TFAP2D: variants seen among roughly 807,000 people sequenced by gnomAD.
TFAP2D encodes transcription factor AP-2 delta.
Under a neutral mutation model 43.6 loss-of-function variants are expected in TFAP2D, and 9 were observed. The ratio of observed to expected loss-of-function variants is 0.21; its 90% confidence interval spans 0.12 to 0.36. The LOEUF (loss-of-function observed/expected upper bound fraction) is 0.36. TFAP2D is among the 10% of genes least tolerant of loss of function. The probability of loss-of-function intolerance (pLI) is 1.00; values close to 1 mark genes in which losing one functional copy is unlikely to be tolerated. For synonymous variants in TFAP2D, 256 were observed against 224.9 expected (o/e 1.14, Z -1.24); for missense variants, 513 against 561.4 (o/e 0.91, Z 0.87).
At chr6:50,719,188 C>A (rs1195298659) in intron 3 of TFAP2D, 38 bp downstream of exon 3, 1 of 1,588,756 alleles carries the variant, frequency 6.3e-7, no homozygotes, top group South Asian at 1.1e-5. Flanking sequence ...CCTAGACATT[C>A]TTCTCCTATC....
chr6:50,748,945 T>C (rs1160891633), intron 6 of TFAP2D, among the ~76,000 whole-genome samples: 1 of 151,846 alleles, frequency 6.6e-6, no homozygotes, highest in African/African-American at 2.4e-5. Context: ...TTGTGTTACA[T>C]AATTCATAAT....
intron 2 of TFAP2D, among the ~76,000 whole-genome samples, chr6:50,717,235 CAAAG>C (rs1768642394): frequency 6.6e-6 from 1 of 152,168 alleles, no homozygotes; most frequent in Non-Finnish European, 1.5e-5. Flanking sequence ...AAGCACTAGA[CAAAG>C]AGCGAATCCC....
In TFAP2D at chr6:50,745,671, G is replaced by A. The variant is rs373775243; in HGVS notation, c.1025+423G>A. ...AATGTGACAGAAGATGAGGTCACACGTTGGTGAGAGGTACCAGGGAGACCT... is the reference window on the plus strand; with the variant it reads ...AATGTGACAGAAGATGAGGTCACACATTGGTGAGAGGTACCAGGGAGACCT... On this transcript the variant is annotated intron_variant, in intron 6 of 7. Transcript: ENST00000008391. Among the ~76,000 whole-genome samples, 5 of 152,146 alleles carry A rather than the reference G, an allele frequency of 3.3e-5. No individual in the cohort carries two copies. In the East Asian group the frequency reaches 5.8e-4, roughly 18 times the overall value.
At chr6:50,714,928 A>C (rs541950358) in intron 1 of TFAP2D, among the ~76,000 whole-genome samples, 188 bp from the exon 2 acceptor site, 1 of 151,890 alleles carries the variant, frequency 6.6e-6, no homozygotes, top group African/African-American at 2.4e-5. Flanking sequence ...GCCCACCCCC[A>C]GTTCGCCTGT....
chr6:50,771,942 C>T (rs1249235131), intron 7 of TFAP2D, among the ~76,000 whole-genome samples: 9 of 152,074 alleles, frequency 5.9e-5, no homozygotes, highest in Admixed American at 5.9e-4. Flanking sequence ...CACATGCACA[C>T]GTATGTTTAT....
At chr6:50,719,485 G>GAAAGAA (rs1554151946) in intron 3 of TFAP2D, among the ~76,000 whole-genome samples, 1 of 137,958 alleles carries the variant, frequency 7.2e-6, no homozygotes, top group South Asian at 2.4e-4. Flanking sequence ...AAGAAAGAAA[G>GAAAGAA]AAAGAAAGAA....
intron 3 of TFAP2D, among the ~76,000 whole-genome samples, chr6:50,722,813 A>G (rs920835093): frequency 2.2e-5 from 3 of 139,124 alleles, no homozygotes; most frequent in African/African-American, 8.0e-5. Flanking sequence ...GCAACTAAAA[A>G]GGGGGGGGCG....
rs999553831 is a variant in TFAP2D at position 50,745,142 on chromosome 6, A to G, written c.919A>G (p.Thr307Ala). Residue 307 changes from threonine (T) to alanine (A), a missense_variant, in exon 6 of 8, where the codon ACT becomes GCT. By Grantham distance (58) the Thr-to-Ala change is moderately conservative (BLOSUM62 0). This residue lies in a region of TFAP2D where 199 missense variants were observed against 227.9 expected (regional missense o/e 0.87). Transcript: ENST00000008391. ...GCACTTGGCTCGGGATTTTGGCTAC[A>G]CTTGTGAAACAGAGTTTCCAGCCAA... ...ALHLARDFGY[T>A]CETEFPAKAV... 1.2e-6 allele frequency: 2 copies of G among 1,613,546 alleles called. No individual in the cohort carries two copies. The highest frequency in any genetic ancestry group is 8.5e-7 in the Non-Finnish European group (1 of 1,179,828).
At position 50,715,555 on chromosome 6, in the gene TFAP2D, A is replaced by G. The variant is rs1366637270; in HGVS notation, c.479A>G (p.Gln160Arg). 1 of 1,610,214 alleles carries G rather than the reference A, an allele frequency of 6.2e-7. No homozygotes were observed. The highest frequency in any genetic ancestry group is 1.1e-5 in the South Asian group (1 of 91,076). ...TCTCAGTATGGAATGCACCCAGATC[A>G]AAGACTCCTGCCAGGGCCCAGCCTG... ...HGSQYGMHPD[Q>R]RLLPGPSLGL... The change falls in exon 2 of 8, where the codon CAA becomes CGA. Residue 160 changes from glutamine to arginine, a missense_variant. Transcript: ENST00000008391.
intron 5 of TFAP2D, among the ~76,000 whole-genome samples, chr6:50,740,375 T>A (rs1327509085): frequency 6.6e-6 from 1 of 152,166 alleles, no homozygotes; most frequent in Non-Finnish European, 1.5e-5. Flanking sequence ...AATTTTTTAG[T>A]TGTGTAAAGT....
chr6:50,751,922 C>G (rs565699727), intron 7 of TFAP2D, among the ~76,000 whole-genome samples: 39 of 151,824 alleles, frequency 2.6e-4, no homozygotes, highest in Non-Finnish European at 4.7e-4. Flanking sequence ...CATTACTTTA[C>G]AAAAATGAAC....
chr6:50,754,746 A>T (rs1033600711), intron 7 of TFAP2D, among the ~76,000 whole-genome samples: 1 of 151,862 alleles, frequency 6.6e-6, no homozygotes, highest in African/African-American at 2.4e-5. Flanking sequence ...ACATCTTTTC[A>T]TATGCTTCTT....
chr6:50,732,342 T>C (rs1456022923), intron 5 of TFAP2D, among the ~76,000 whole-genome samples: 1 of 152,098 alleles, frequency 6.6e-6, no homozygotes, highest in East Asian at 1.9e-4. Context: ...TTTTCTCAAC[T>C]ATCTCTAGAA....
chr6:50,722,935 G>A (rs796987731), intron 3 of TFAP2D, among the ~76,000 whole-genome samples: 1 of 152,192 alleles, frequency 6.6e-6, no homozygotes, highest in Non-Finnish European at 1.5e-5. Context: ...TAAACACTGC[G>A]GTAGCCTCTG....
intron 7 of TFAP2D, among the ~76,000 whole-genome samples, chr6:50,760,917 C>G (rs1041595143): frequency 1.3e-5 from 2 of 150,738 alleles, no homozygotes; most frequent in African/African-American, 4.9e-5. Flanking sequence ...GACTCCCTCT[C>G]TACTGGCTGT....
At chr6:50,749,860 G>C (rs1769177193) in intron 6 of TFAP2D, among the ~76,000 whole-genome samples, 1 of 151,788 alleles carries the variant, frequency 6.6e-6, no homozygotes, top group Admixed American at 6.6e-5. Flanking sequence ...TTTAGGAAGG[G>C]GATGTGAAGT....
intron 7 of TFAP2D, among the ~76,000 whole-genome samples, chr6:50,771,955 C>A (rs887247456): frequency 6.6e-6 from 1 of 151,982 alleles, no homozygotes; most frequent in Non-Finnish European, 1.5e-5. Context: ...ATGTTTATTG[C>A]GGCACTATTC....
intron 3 of TFAP2D, among the ~76,000 whole-genome samples, chr6:50,728,393 GT>G (rs1768838097): frequency 6.6e-6 from 1 of 152,154 alleles, no homozygotes; most frequent in African/African-American, 2.4e-5. Flanking sequence ...AAAGATGGCA[GT>G]TTTCAAACAC....
At chr6:50,765,739 A>C (rs1156374280) in intron 7 of TFAP2D, among the ~76,000 whole-genome samples, 1 of 151,614 alleles carries the variant, frequency 6.6e-6, no homozygotes, top group Non-Finnish European at 1.5e-5. Flanking sequence ...GAGTTGCATG[A>C]GCTCCTTATA....
Sources: allele counts gnomAD v4.1 joint callset (sites outside exome capture counted in the v4.1 genomes callset), GRCh38; gene constraint gnomAD v4.1.1; regional missense constraint gnomAD v4.1.1; transcripts MANE v1.5; gene names NCBI Gene and HGNC (gene_info 2026-07-23, HGNC 2026-07-21).